Variants in HHIP observed in about 807,000 individuals in gnomAD.
HHIP encodes the protein hedgehog-interacting protein.
A neutral mutation model predicts 74.0 loss-of-function variants in HHIP; 12 were observed. The ratio of observed to expected loss-of-function variants is 0.16; its 90% CI spans 0.10 to 0.26. The LOEUF is 0.26. Among genes scored for constraint, HHIP ranks in the 10% least tolerant of loss-of-function variants. HHIP has a pLI of 1.00. For missense variants in HHIP, 788 were observed against 845.0 expected (o/e 0.93, Z 0.84); for synonymous variants, 309 against 311.6 (o/e 0.99, Z 0.09).
rs374342204 is a variant in HHIP at position 144,699,520 on chromosome 4, G to A, written c.832-7011G>A. 9.3e-4 allele frequency among the ~76,000 whole-genome samples: 141 copies of A among 152,210 alleles called. 3 individuals carry two copies. The South Asian group carries it at 0.028, about 30-fold the overall frequency. ...CAACCTCCAACCTCTCTTGCTCCCT[G>A]GGGTTGTGGGGTAGGCTGAAAGTTC... On this transcript the variant is annotated intron_variant, in intron 4 of 12. Transcript: ENST00000296575.
At chr4:144,719,676 G>A (rs1260019430) in intron 11 of HHIP, among the ~76,000 whole-genome samples, 1 of 152,052 alleles carries the variant, frequency 6.6e-6, no homozygotes, top group Non-Finnish European at 1.5e-5. Flanking sequence ...ATTATATGTT[G>A]TCAAAAATAC....
chr4:144,712,165 C>T, intron 8 of HHIP, 94 bp downstream of exon 8: 2 of 1,144,350 alleles, frequency 1.7e-6, no homozygotes, highest in Non-Finnish European at 2.5e-6. Flanking sequence ...GAAAAATGAG[C>T]ATTTGGGAAA....
At chr4:144,691,615 C>T (rs1470860645) in intron 4 of HHIP, among the ~76,000 whole-genome samples, 2 of 151,760 alleles carry the variant, frequency 1.3e-5, no homozygotes, top group African/African-American at 4.8e-5. Context: ...ACAAACAGTG[C>T]CTCCATTTAT....
At chr4:144,731,656 G>A (rs1161639250) in intron 11 of HHIP, among the ~76,000 whole-genome samples, 1 of 152,088 alleles carries the variant, frequency 6.6e-6, no homozygotes, top group East Asian at 1.9e-4. Flanking sequence ...CTGACCTCAG[G>A]TGATCCACCC....
At chr4:144,685,612 C>T (rs1331359556) in intron 4 of HHIP, 1 of 152,150 alleles carries the variant, frequency 6.6e-6, no homozygotes, top group Non-Finnish European at 1.5e-5. Flanking sequence ...ACCTTCTCAT[C>T]CTTTTCATCA....
intron 11 of HHIP, among the ~76,000 whole-genome samples, chr4:144,733,683 T>C (rs1731027596): frequency 6.6e-6 from 1 of 152,328 alleles, no homozygotes; most frequent in East Asian, 1.9e-4. Context: ...GATTTGACTG[T>C]CAATGAAAAC....
intron 4 of HHIP, among the ~76,000 whole-genome samples, chr4:144,667,211 G>A (rs528158117): frequency 6.6e-6 from 1 of 152,224 alleles, no homozygotes; most frequent in East Asian, 1.9e-4. Context: ...TTAGCCAGGT[G>A]TGATGGCATG....
At chr4:144,732,536 C>G (rs1472627192) in intron 11 of HHIP, among the ~76,000 whole-genome samples, 4 of 152,162 alleles carry the variant, frequency 2.6e-5, no homozygotes, top group Non-Finnish European at 5.9e-5. Context: ...GTCAGACACT[C>G]TCCCCTAAAG....
rs754475589 is a variant in HHIP, at chr4:144,715,380, G to A, written c.1628G>A (p.Cys543Tyr). The A allele has an allele frequency of 9.3e-6, 15 of 1,613,518 alleles. No individual in the cohort carries two copies. Among genetic ancestry groups the A allele is most frequent in the African/African-American group, 1.3e-5 (1 of 75,008 alleles). The change falls in exon 10 of 13, where the codon TGT becomes TAT. Residue 543 changes from cysteine to tyrosine, a missense_variant. Coordinates refer to ENST00000296575, the MANE Select transcript of HHIP (RefSeq NM_022475.3). The part of the protein sequence containing the change: ...KPLCLGTSGS[C>Y]RGYFSGHILG... ...CTCTGTCTCGGCACTAGTGGGTCCT[G>A]TAGAGGCTACTTTTCCGGTCACATC... is the stretch of plus-strand genomic sequence containing the variant.
In HHIP at chr4:144,737,882, G is replaced by C; in HGVS notation, c.2028G>C (p.Val676=). 6.2e-7 allele frequency: 1 copy of C among 1,613,770 alleles called. No individual in the cohort carries two copies. The highest frequency in any genetic ancestry group is 8.5e-7 in the Non-Finnish European group (1 of 1,179,752). ...CEQVDRNIRR[V]TRAGILDQII... is the part of the protein sequence containing the mutation. Reference sequence around the variant, plus strand: ...AAGTGGACAGAAACATCCGCAGAGTGACCAGGGCAGGTATTCTTGATCAGA... The same window carrying C: ...AAGTGGACAGAAACATCCGCAGAGTCACCAGGGCAGGTATTCTTGATCAGA... The change falls in exon 13 of 13, where the codon GTG becomes GTC. Residue 676 remains valine, a synonymous_variant. Coordinates refer to ENST00000296575, the MANE Select transcript of HHIP (RefSeq NM_022475.3).
At chr4:144,661,665 C>T (rs966221745) in intron 4 of HHIP, among the ~76,000 whole-genome samples, 4 of 152,082 alleles carry the variant, frequency 2.6e-5, no homozygotes, top group Non-Finnish European at 5.9e-5. Context: ...GCAGATACCA[C>T]CATATTTATG....
rs1560729167 is a variant in HHIP, at chr4:144,742,985, AT to A, written c.*5030del. 15 of 600 alleles carry A rather than the reference AT, an allele frequency of 0.025. 1 individual carries two copies. The Admixed American group carries it at 0.47, about 19-fold the overall frequency. The allele number at this position is 600 out of a possible 1,614,324, so 0.0% of individuals were successfully genotyped here. On this transcript the variant is annotated 3_prime_UTR_variant, in exon 13 of 13. Transcript: ENST00000296575. ...ATAAGATATATGTATATATATATAC[AT>A]TATATATATATAATATATATATATT...
At chr4:144,736,051 T>C (rs1256778097) in intron 12 of HHIP, among the ~76,000 whole-genome samples, 1 of 151,972 alleles carries the variant, frequency 6.6e-6, no homozygotes, top group Non-Finnish European at 1.5e-5. Flanking sequence ...AGAATCAGTA[T>C]TCAAATGTAA....
intron 4 of HHIP, among the ~76,000 whole-genome samples, chr4:144,680,674 C>A (rs143666444): frequency 6.6e-6 from 1 of 152,066 alleles, no homozygotes; most frequent in Non-Finnish European, 1.5e-5. Context: ...TCATTCATTG[C>A]GAGAATGATT....
In HHIP at chr4:144,743,032, TTATA is replaced by T. The variant is rs570736447; in HGVS notation, c.*5087_*5090del. 3 of 125,696 alleles carry T rather than the reference TTATA, an allele frequency of 2.4e-5. No individual in the cohort carries two copies. The highest frequency in any genetic ancestry group is 4.7e-4 in the South Asian group (2 of 4,214). The allele number at this position is 125,696 out of a possible 1,614,324, so 7.8% of individuals were successfully genotyped here. A position where few individuals can be genotyped will look rare whatever the true frequency, so the allele number is the denominator to read the frequency against. ...ATATTATATATATATAATATATATC[TTATA>T]TATATATATATCTTAATACATATAT... is the stretch of plus-strand genomic sequence containing the variant. On this transcript the variant is annotated 3_prime_UTR_variant, in exon 13 of 13. Coordinates refer to ENST00000296575, the MANE Select transcript of HHIP (RefSeq NM_022475.3).
chr4:144,656,009 A>G (rs1728548664), intron 2 of HHIP, among the ~76,000 whole-genome samples: 1 of 152,178 alleles, frequency 6.6e-6, no homozygotes, highest in South Asian at 2.1e-4. Context: ...GTGTTTGTTC[A>G]TTATTAGTAG....
At chr4:144,678,645 T>C (rs1729240135) in intron 4 of HHIP, among the ~76,000 whole-genome samples, 1 of 152,150 alleles carries the variant, frequency 6.6e-6, no homozygotes, top group South Asian at 2.1e-4. Flanking sequence ...ATGCAGTGTT[T>C]GGTTTTCTGT....
intron 4 of HHIP, among the ~76,000 whole-genome samples, chr4:144,688,467 C>T (rs568031024): frequency 6.6e-6 from 1 of 151,854 alleles, no homozygotes; most frequent in Non-Finnish European, 1.5e-5. Flanking sequence ...AAAAGGCACA[C>T]CTGTGCCAAG....
chr4:144,728,875 T>C (rs1162483407), intron 11 of HHIP, among the ~76,000 whole-genome samples: 11 of 152,196 alleles, frequency 7.2e-5, no homozygotes, highest in African/African-American at 2.7e-4. Flanking sequence ...GTTTGTATAA[T>C]GCATTGTTGT....
Sources: gnomAD v4.1 joint callset for allele counts (sites outside exome capture counted in the v4.1 genomes callset) on GRCh38, gnomAD v4.1.1 for gene constraint, MANE v1.5 for transcripts, NCBI Gene and HGNC (gene_info 2026-07-23, HGNC 2026-07-21) for gene names.